Variants in GFRA1 observed in about 807,000 individuals in gnomAD.
GFRA1 encodes GDNF family receptor alpha 1.
Under a neutral mutation model 51.6 loss-of-function variants are expected in GFRA1, and 16 were observed. The observed-to-expected ratio is 0.31, with a 90% CI of 0.21 to 0.47. The LOEUF (loss-of-function observed/expected upper bound fraction) is 0.47, where lower values mean the gene tolerates loss of function less well. Among genes scored for constraint, GFRA1 ranks in the 20% least tolerant of loss-of-function variants. The pLI is 1.00. For missense variants in GFRA1, 530 were observed against 594.3 expected (o/e 0.89, Z 1.13); for synonymous variants, 270 against 241.3 (o/e 1.12, Z -1.10).
intron 4 of GFRA1, among the ~76,000 whole-genome samples, chr10:116,216,597 T>C (rs1965580844): frequency 6.6e-6 from 1 of 152,192 alleles, no homozygotes; most frequent in Admixed American, 6.5e-5. Flanking sequence ...TCTCAAACAA[T>C]GTAATCATAC....
intron 6 of GFRA1, among the ~76,000 whole-genome samples, chr10:116,118,091 A>G (rs573166092): frequency 1.3e-5 from 2 of 152,284 alleles, no homozygotes; most frequent in East Asian, 3.9e-4. Flanking sequence ...TATGTGAATG[A>G]TTGTAACCCC....
intron 4 of GFRA1, among the ~76,000 whole-genome samples, chr10:116,229,210 G>T (rs1392935736): frequency 6.6e-6 from 1 of 152,034 alleles, no homozygotes; most frequent in Non-Finnish European, 1.5e-5. Flanking sequence ...AGAAGCAGTA[G>T]GAAATTAATA....
At chr10:116,196,099 C>A (rs1033498197) in intron 5 of GFRA1, among the ~76,000 whole-genome samples, 9 of 148,966 alleles carry the variant, frequency 6.0e-5, no homozygotes, top group Non-Finnish European at 1.3e-4. Context: ...TAGCAAGGAA[C>A]AAGTAAAAAA....
chr10:116,114,782 G>C (rs780809111), intron 6 of GFRA1, among the ~76,000 whole-genome samples: 4 of 152,144 alleles, frequency 2.6e-5, no homozygotes, highest in African/African-American at 9.7e-5. Flanking sequence ...GATAAAAACT[G>C]GTTGGAAAAG....
chr10:116,252,790 A>T (rs1968496041), intron 4 of GFRA1, among the ~76,000 whole-genome samples: 1 of 152,146 alleles, frequency 6.6e-6, no homozygotes, highest in Admixed American at 6.5e-5. Context: ...CATAACAAAG[A>T]TCCAGTCCTT....
At chr10:116,250,987 C>T (rs1269698377) in intron 4 of GFRA1, among the ~76,000 whole-genome samples, 1 of 152,224 alleles carries the variant, frequency 6.6e-6, no homozygotes, top group African/African-American at 2.4e-5. Context: ...ATGGCCAGTT[C>T]CCCCTTGTCA....
upstream of GFRA1, among the ~76,000 whole-genome samples, chr10:116,273,923 T>TCACACG (rs1181806243): frequency 6.6e-6 from 1 of 151,954 alleles, no homozygotes; most frequent in Non-Finnish European, 1.5e-5. Flanking sequence ...ACACTCACAC[T>TCACACG]CACACGCACA....
At chr10:116,213,450 G>A (rs754364064) in intron 4 of GFRA1, among the ~76,000 whole-genome samples, 8 of 152,150 alleles carry the variant, frequency 5.3e-5, no homozygotes, top group Non-Finnish European at 1.5e-5. Flanking sequence ...AATGGTCACA[G>A]AAATATTGCT....
chr10:116,176,972 C>T (rs140167101), intron 5 of GFRA1, among the ~76,000 whole-genome samples: 153 of 152,234 alleles, frequency 1.0e-3, no homozygotes, highest in African/African-American at 3.4e-3. Flanking sequence ...ATGAACTGGC[C>T]TTCATTAGGT....
intron 5 of GFRA1, among the ~76,000 whole-genome samples, chr10:116,186,714 A>G (rs1962757642): frequency 6.6e-6 from 1 of 152,136 alleles, no homozygotes; most frequent in African/African-American, 2.4e-5. Flanking sequence ...TTAATTAATC[A>G]CAAGCAAACT....
At chr10:116,204,876 A>G (rs1284895559) in intron 5 of GFRA1, among the ~76,000 whole-genome samples, 1 of 152,140 alleles carries the variant, frequency 6.6e-6, no homozygotes, top group Non-Finnish European at 1.5e-5. Context: ...CCACTCCTTA[A>G]AGGCAGGCTA....
chr10:116,144,421 T>C (rs910821658), intron 5 of GFRA1, among the ~76,000 whole-genome samples: 1 of 152,212 alleles, frequency 6.6e-6, no homozygotes, highest in South Asian at 2.1e-4. Flanking sequence ...AAAAATGATA[T>C]GGGATATAAA....
intron 5 of GFRA1, among the ~76,000 whole-genome samples, chr10:116,159,190 C>T (rs1565617392): frequency 6.6e-6 from 1 of 152,086 alleles, no homozygotes; most frequent in African/African-American, 2.4e-5. Flanking sequence ...AGTCAGGATC[C>T]CTAGTAGACC....
At chr10:116,244,834 A>G (rs1410222104) in intron 4 of GFRA1, among the ~76,000 whole-genome samples, 1 of 152,194 alleles carries the variant, frequency 6.6e-6, no homozygotes, top group African/African-American at 2.4e-5. Flanking sequence ...AAACAAAAAT[A>G]CACGTATTCA....
At chr10:116,082,494 C>T (rs192132851) in intron 9 of GFRA1, among the ~76,000 whole-genome samples, 4 of 150,642 alleles carry the variant, frequency 2.7e-5, no homozygotes, top group South Asian at 2.1e-4. Flanking sequence ...TTTTTTGAGA[C>T]GGACTTTTGC....
chr10:116,123,234 C>T (rs1347930912), intron 6 of GFRA1, among the ~76,000 whole-genome samples: 1 of 152,232 alleles, frequency 6.6e-6, no homozygotes, highest in Non-Finnish European at 1.5e-5. Context: ...CATCCCTGCT[C>T]CTAGCCCACA....
At chr10:116,212,189 T>C (rs980784454) in intron 4 of GFRA1, among the ~76,000 whole-genome samples, 34 of 152,020 alleles carry the variant, frequency 2.2e-4, no homozygotes, top group Non-Finnish European at 2.9e-4. Flanking sequence ...GAGAAGCTAC[T>C]AAATACCCTA....
rs1367650283 is a variant in GFRA1 at position 116,272,347 on chromosome 10, T to G, written c.-246-72A>C. On this transcript the variant is annotated intron_variant, in intron 1 of 10. Transcript: ENST00000355422. This position sits in a 1 kb window ranked among gnomAD's most constrained non-coding sequence, Gnocchi z 4.4. Reference sequence around the variant, plus strand: ...ACTCCCCCCACAGAACCCTCTCCCCTCCCCCGTTCCCGCCTTTGGGGAATT... The same window carrying G: ...ACTCCCCCCACAGAACCCTCTCCCCGCCCCCGTTCCCGCCTTTGGGGAATT... 2 of 460,620 alleles carry G rather than the reference T, an allele frequency of 4.3e-6. No individual in the cohort carries two copies. Among genetic ancestry groups the G allele is most frequent in the Non-Finnish European group, 7.9e-6 (2 of 251,976 alleles). 28.5% of individuals were successfully genotyped at this position (460,620 alleles called of 1,614,324 possible). A position where few individuals can be genotyped will look rare whatever the true frequency, so the allele number is the denominator to read the frequency against.
intron 5 of GFRA1, among the ~76,000 whole-genome samples, chr10:116,150,797 C>T (rs1051408088): frequency 6.6e-6 from 1 of 152,110 alleles, no homozygotes; most frequent in Non-Finnish European, 1.5e-5. Context: ...ACATTGTTCC[C>T]GAACAGTTGT....
Sources: allele counts gnomAD v4.1 joint callset (sites outside exome capture counted in the v4.1 genomes callset), GRCh38; gene constraint gnomAD v4.1.1; non-coding constraint Gnocchi (gnomAD v3.1); transcripts MANE v1.5; gene names NCBI Gene and HGNC (gene_info 2026-07-23, HGNC 2026-07-21).